The following CMIP variants were observed in gnomAD, a reference collection of about 807,000 sequenced individuals.
CMIP encodes c-Maf inducing protein.
In CMIP, 13 loss-of-function variants were observed where a neutral mutation model predicts 97.3. The observed-to-expected ratio is 0.13, with a 90% CI of 0.09 to 0.21. The LOEUF is 0.21. Among genes scored for constraint, CMIP ranks in the 10% least tolerant of loss-of-function variants. The pLI, the probability that CMIP is intolerant of heterozygous loss-of-function variation, is 1.00. For missense variants in CMIP, 847 were observed against 1,024.9 expected (o/e 0.83, Z 2.37); for synonymous variants, 538 against 436.3 (o/e 1.23, Z -2.91).
intron 10 of CMIP, among the ~76,000 whole-genome samples, chr16:81,679,487 G>T (rs115277267): frequency 3.1e-4 from 47 of 152,244 alleles, no homozygotes; most frequent in African/African-American, 1.1e-3. Flanking sequence ...GTGAGTATCT[G>T]TGCATATGCA....
chr16:81,578,752 G>T (rs74029195), intron 1 of CMIP, among the ~76,000 whole-genome samples: 4,214 of 152,304 alleles, frequency 0.028, 144 homozygotes, highest in African/African-American at 0.077. Context: ...GGGGACCATG[G>T]CCTGGAAGCA....
chr16:81,579,814 G>A (rs1272187567), intron 1 of CMIP, among the ~76,000 whole-genome samples: 1 of 152,122 alleles, frequency 6.6e-6, no homozygotes, highest in Non-Finnish European at 1.5e-5. Flanking sequence ...AAATTAGCTG[G>A]GCGTGGTGGC....
intron 1 of CMIP, among the ~76,000 whole-genome samples, chr16:81,510,270 G>A (rs970361491): frequency 3.3e-5 from 5 of 152,128 alleles, no homozygotes; most frequent in African/African-American, 1.2e-4. Flanking sequence ...AGGTGTCAGG[G>A]CCCTTGTTTC....
chr16:81,650,837 G>C (rs150229435), intron 3 of CMIP, among the ~76,000 whole-genome samples: 4 of 152,298 alleles, frequency 2.6e-5, no homozygotes, highest in African/African-American at 9.6e-5. Context: ...GGCTCAGAAG[G>C]TGAAAGTTTT....
At chr16:81,630,026 T>G (rs559842877) in intron 3 of CMIP, among the ~76,000 whole-genome samples, 1 of 152,380 alleles carries the variant, frequency 6.6e-6, no homozygotes, top group East Asian at 1.9e-4. Context: ...AATAATACTT[T>G]CTGCAGCGCT....
At chr16:81,559,343 C>T (rs182797925) in intron 1 of CMIP, among the ~76,000 whole-genome samples, 78 of 152,320 alleles carry the variant, frequency 5.1e-4, no homozygotes, top group Non-Finnish European at 8.7e-4. Flanking sequence ...GGGCCAGCCT[C>T]ATGATTCTTT....
At chr16:81,487,500 T>C (rs1415629474) in intron 1 of CMIP, among the ~76,000 whole-genome samples, 1 of 152,116 alleles carries the variant, frequency 6.6e-6, no homozygotes, top group Non-Finnish European at 1.5e-5. Context: ...TTGGCGGGAA[T>C]GGGCAGGCTG....
chr16:81,526,971 C>G (rs1355614402), intron 1 of CMIP, among the ~76,000 whole-genome samples: 3 of 152,226 alleles, frequency 2.0e-5, no homozygotes, highest in African/African-American at 7.2e-5. Flanking sequence ...TGTTTGGATT[C>G]CCAGGAGTGA....
Position 81,610,238 on chromosome 16 carries a change from C to T in CMIP, c.426+2546C>T, listed in dbSNP as rs991585758. On this transcript the variant is annotated intron_variant, in intron 2 of 20. Coordinates refer to ENST00000537098, the MANE Select transcript of CMIP (RefSeq NM_198390.3). ...GAATGTCCCTTTAACCCGGCTGTGG[C>T]CGCGGGCCCAGCTGTGATGACTCGC... The T allele has an allele frequency of 1.9e-5, 16 of 843,734 alleles. No individual in the cohort carries two copies. In the African/African-American group the frequency reaches 2.6e-4, roughly 14 times the overall value. 52.3% of individuals were successfully genotyped at this position (843,734 alleles called of 1,614,324 possible). A position where few individuals can be genotyped will look rare whatever the true frequency, so the allele number is the denominator to read the frequency against.
intron 1 of CMIP, among the ~76,000 whole-genome samples, chr16:81,563,008 C>A (rs1446390074): frequency 6.6e-6 from 1 of 152,174 alleles, no homozygotes; most frequent in Non-Finnish European, 1.5e-5. Context: ...GATTTTAGAC[C>A]TCATCATGGT....
chr16:81,485,787 A>G (rs1597467333), intron 1 of CMIP, among the ~76,000 whole-genome samples: 1 of 152,218 alleles, frequency 6.6e-6, no homozygotes, highest in Non-Finnish European at 1.5e-5. Flanking sequence ...TTATTCCCAA[A>G]TGCAGAAGGG....
In CMIP at chr16:81,483,599, T is replaced by TCCTCTTCCTCTC. The variant is rs60291163; in HGVS notation, c.300+38063_300+38064insTCCTCTCCCTCT. Among the ~76,000 whole-genome samples, 1,365 of 145,672 alleles carry TCCTCTTCCTCTC rather than the reference T, an allele frequency of 9.4e-3. 26 individuals are homozygous for TCCTCTTCCTCTC. Among genetic ancestry groups the TCCTCTTCCTCTC allele is most frequent in the African/African-American group, 0.032 (1,252 of 39,092 alleles). The stretch of plus-strand genomic sequence containing the variant: ...TTCCTCTTCCTCTTCCTCTTCCTCT[T>TCCTCTTCCTCTC]CCTCTCCCTCTCCCTGACCCTCCCC... On this transcript the variant is annotated intron_variant, in intron 1 of 20. Coordinates refer to ENST00000537098, the MANE Select transcript of CMIP (RefSeq NM_198390.3).
At chr16:81,669,883 T>C (rs922440997) in intron 7 of CMIP, among the ~76,000 whole-genome samples, 5 of 152,222 alleles carry the variant, frequency 3.3e-5, no homozygotes, top group Non-Finnish European at 7.3e-5. Context: ...CACAAGTGCC[T>C]TTTGAGGGTG....
chr16:81,473,544 A>C (rs1907690070), intron 1 of CMIP, among the ~76,000 whole-genome samples: 1 of 147,604 alleles, frequency 6.8e-6, no homozygotes, highest in African/African-American at 2.5e-5. Context: ...TGTAGTGGGT[A>C]AGAATTAGCA....
chr16:81,567,860 G>C (rs923350982), intron 1 of CMIP, among the ~76,000 whole-genome samples: 1 of 152,140 alleles, frequency 6.6e-6, no homozygotes, highest in Non-Finnish European at 1.5e-5. Context: ...CACGTAGTAG[G>C]TGCTTGATAA....
At position 81,545,787 on chromosome 16, in the gene CMIP, G is replaced by A. The variant is rs61591666; in HGVS notation, c.301-61780G>A. Among the ~76,000 whole-genome samples the A allele has an allele frequency of 2.9e-3, 438 of 152,294 alleles. 5 individuals carry two copies. The highest frequency in any genetic ancestry group is 9.6e-3 in the African/African-American group (400 of 41,550). On this transcript the variant is annotated intron_variant, in intron 1 of 20. Transcript: ENST00000537098. ...ACCTGGGCATAGAAGCCTTCCTGCC[G>A]GCCCTCCCGTGGGCCCCAGGGTCTT... is the stretch of plus-strand genomic sequence containing the variant.
At chr16:81,556,688 C>T (rs1597555197) in intron 1 of CMIP, among the ~76,000 whole-genome samples, 1 of 152,178 alleles carries the variant, frequency 6.6e-6, no homozygotes, top group Non-Finnish European at 1.5e-5. Context: ...GATGGTTGCA[C>T]AGCAGTGTGG....
At chr16:81,465,462 T>G (rs1907147021) in intron 1 of CMIP, among the ~76,000 whole-genome samples, 3 of 152,214 alleles carry the variant, frequency 2.0e-5, no homozygotes, top group Admixed American at 2.0e-4. Flanking sequence ...CTTGCTTCCT[T>G]TTCCTGTTCT....
At chr16:81,485,866 G>A (rs1352334136) in intron 1 of CMIP, among the ~76,000 whole-genome samples, 2 of 152,182 alleles carry the variant, frequency 1.3e-5, no homozygotes, top group African/African-American at 4.8e-5. Flanking sequence ...GTGGCACCAC[G>A]TGGCCTGCTT....
Sources: allele counts gnomAD v4.1 joint callset (sites outside exome capture counted in the v4.1 genomes callset), GRCh38; gene constraint gnomAD v4.1.1; transcripts MANE v1.5; gene names NCBI Gene and HGNC (gene_info 2026-07-23, HGNC 2026-07-21).